Variants in RCAN1 observed in about 807,000 individuals in gnomAD.
The protein encoded by RCAN1 is calcipressin-1.
Under a neutral mutation model 22.9 loss-of-function variants are expected in RCAN1, and 11 were observed. The ratio of observed to expected loss-of-function variants is 0.48; its 90% CI spans 0.30 to 0.79. The LOEUF (loss-of-function observed/expected upper bound fraction) is 0.79, where lower values mean the gene tolerates loss of function less well. Among genes scored for constraint, RCAN1 ranks in the 30% least tolerant of loss-of-function variants. RCAN1 has a pLI of 0.06. For synonymous variants in RCAN1, 136 were observed against 142.3 expected (o/e 0.96, Z 0.32); for missense variants, 291 against 337.8 (o/e 0.86, Z 1.09).
intron 1 of RCAN1, among the ~76,000 whole-genome samples, chr21:34,556,926 G>GT (rs1307323126): frequency 2.6e-5 from 4 of 152,182 alleles, no homozygotes; most frequent in African/African-American, 7.2e-5. Context: ...TTTAAAAGCT[G>GT]TAAAAGGCTG....
At chr21:34,565,667 C>T (rs2123673357) in intron 1 of RCAN1, among the ~76,000 whole-genome samples, 1 of 152,294 alleles carries the variant, frequency 6.6e-6, no homozygotes, top group African/African-American at 2.4e-5. Flanking sequence ...GAAATGGTGC[C>T]ACTACATAGC....
intron 1 of RCAN1, among the ~76,000 whole-genome samples, chr21:34,567,405 G>A (rs1188274009): frequency 6.6e-6 from 1 of 152,032 alleles, no homozygotes; most frequent in East Asian, 1.9e-4. Context: ...ACTCTGGAAT[G>A]TACTACACAA....
chr21:34,531,096 G>A (rs1318482899), intron 1 of RCAN1, among the ~76,000 whole-genome samples: 1 of 152,190 alleles, frequency 6.6e-6, no homozygotes, highest in Admixed American at 6.5e-5. Context: ...TTTTAAGAGG[G>A]ATTAATATCA....
intron 1 of RCAN1, among the ~76,000 whole-genome samples, chr21:34,527,451 A>G (rs1169726427): frequency 6.6e-6 from 1 of 152,200 alleles, no homozygotes; most frequent in Non-Finnish European, 1.5e-5. Context: ...CCCCAGTGAC[A>G]TTTTATTGGA....
chr21:34,533,353 T>A (rs1031315928), intron 1 of RCAN1, among the ~76,000 whole-genome samples: 2 of 152,228 alleles, frequency 1.3e-5, no homozygotes, highest in Non-Finnish European at 2.9e-5. Flanking sequence ...TGTAACCTCA[T>A]TTTTTTAAAC....
At chr21:34,589,541 C>T (rs558100400) in intron 1 of RCAN1, among the ~76,000 whole-genome samples, 15 of 152,242 alleles carry the variant, frequency 9.9e-5, no homozygotes, top group African/African-American at 3.4e-4. Context: ...AAACTGGCCC[C>T]GGTGTGTGCA....
At chr21:34,531,997 C>T (rs1985416258) in intron 1 of RCAN1, among the ~76,000 whole-genome samples, 1 of 152,106 alleles carries the variant, frequency 6.6e-6, no homozygotes, top group South Asian at 2.1e-4. Flanking sequence ...ACCACCACAA[C>T]CAGGTCTTGC....
chr21:34,558,228 A>G (rs1986656219), intron 1 of RCAN1, among the ~76,000 whole-genome samples: 1 of 152,212 alleles, frequency 6.6e-6, no homozygotes. Context: ...TCCCATCACC[A>G]AACCACTCTG....
chr21:34,526,867 G>A (rs1207686584), intron 1 of RCAN1: 4 of 1,462,492 alleles, frequency 2.7e-6, no homozygotes, highest in Non-Finnish European at 3.6e-6. Flanking sequence ...GTAAGGGCCA[G>A]CCCCCACTCC....
At chr21:34,590,759 T>C (rs1676682455) in intron 1 of RCAN1, among the ~76,000 whole-genome samples, 2 of 152,176 alleles carry the variant, frequency 1.3e-5, no homozygotes, top group Admixed American at 1.3e-4. Flanking sequence ...CAGGATGAGA[T>C]TACAAGAGGA....
chr21:34,559,687 A>C (rs2123661823), intron 1 of RCAN1: 1 of 152,328 alleles, frequency 6.6e-6, no homozygotes, highest in African/African-American at 2.4e-5. Flanking sequence ...GCAGTTTACA[A>C]GGTCATTTCA....
At chr21:34,563,821 G>GAGAGAGAGAGAGA (rs1986903682) in intron 1 of RCAN1, among the ~76,000 whole-genome samples, 1 of 67,812 alleles carries the variant, frequency 1.5e-5, no homozygotes. Context: ...AGAGAGAGAG[G>GAGAGAGAGAGAGA]CAGGCATGGT....
chr21:34,530,626 T>TGTTG (rs57805524), intron 1 of RCAN1, among the ~76,000 whole-genome samples: 23 of 127,676 alleles, frequency 1.8e-4, no homozygotes, highest in Admixed American at 3.1e-4. Context: ...GTTTTTTTTT[T>TGTTG]TTTTTTTTTT....
intron 1 of RCAN1, among the ~76,000 whole-genome samples, chr21:34,584,563 A>T (rs1987727554): frequency 6.6e-6 from 1 of 152,234 alleles, no homozygotes; most frequent in South Asian, 2.1e-4. Context: ...GGAAAATTAC[A>T]TTCCACTGTG....
chr21:34,597,802 T>C (rs1393871257), intron 1 of RCAN1, among the ~76,000 whole-genome samples: 2 of 152,190 alleles, frequency 1.3e-5, no homozygotes, highest in Admixed American at 6.5e-5. Context: ...GAATCAACTA[T>C]TAGAAATAGT....
intron 1 of RCAN1, among the ~76,000 whole-genome samples, chr21:34,594,992 C>T (rs368632461): frequency 6.6e-6 from 1 of 152,178 alleles, no homozygotes. Flanking sequence ...GCAACATGGG[C>T]AAGTTACTTC....
chr21:34,585,386 C>T (rs1987753523), intron 1 of RCAN1, among the ~76,000 whole-genome samples: 1 of 152,086 alleles, frequency 6.6e-6, no homozygotes, highest in Non-Finnish European at 1.5e-5. Flanking sequence ...AGAATAACCA[C>T]TAAAAGAACA....
In RCAN1 at chr21:34,590,876, T is replaced by C. The variant is rs905701980; in HGVS notation, c.252+23884A>G. Among the ~76,000 whole-genome samples the C allele has an allele frequency of 5.3e-4, 80 of 152,240 alleles. 1 individual carries two copies. The highest frequency in any genetic ancestry group is 1.8e-3 in the African/African-American group (75 of 41,460). On this transcript the variant is annotated intron_variant, in intron 1 of 3. Coordinates refer to ENST00000313806, the MANE Select transcript of RCAN1 (RefSeq NM_004414.7). Reference sequence around the variant, plus strand: ...TATCTACAGAATTATAGCTGTATATTGGAGTGCTCTGAATACTTGATTTGG... The same window carrying C: ...TATCTACAGAATTATAGCTGTATATCGGAGTGCTCTGAATACTTGATTTGG...
chr21:34,544,460 A>G (rs1039999878), intron 1 of RCAN1, among the ~76,000 whole-genome samples: 1 of 152,210 alleles, frequency 6.6e-6, no homozygotes, highest in Non-Finnish European at 1.5e-5. Context: ...AGCCCAGGAG[A>G]GAACCGGTTC....
Sources: allele counts gnomAD v4.1 joint callset (sites outside exome capture counted in the v4.1 genomes callset), GRCh38; gene constraint gnomAD v4.1.1; transcripts MANE v1.5; gene names NCBI Gene and HGNC (gene_info 2026-07-23, HGNC 2026-07-21).